Variants in TRABD2A observed in about 807,000 individuals in gnomAD.
The protein encoded by TRABD2A is TraB domain containing 2A.
TRABD2A carries 43 observed loss-of-function variants against 45.6 expected under a neutral mutation model. That is an observed-to-expected ratio of 0.94 (90% CI 0.74 to 1.22). TRABD2A has a LOEUF of 1.22. Among genes scored for constraint, TRABD2A ranks in the 50% most tolerant of loss-of-function variants. The pLI is 0.00. For missense variants in TRABD2A, 642 were observed against 652.4 expected (o/e 0.98, Z 0.17); for synonymous variants, 269 against 265.0 (o/e 1.02, Z -0.15).
intron 2 of TRABD2A, among the ~76,000 whole-genome samples, chr2:84,868,113 C>T (rs1682743329): frequency 6.6e-6 from 1 of 152,194 alleles, no homozygotes; most frequent in Non-Finnish European, 1.5e-5. Flanking sequence ...ATAAATCATG[C>T]TGCTATAAAG....
intron 2 of TRABD2A, among the ~76,000 whole-genome samples, chr2:84,850,352 C>T (rs959571267): frequency 2.6e-5 from 4 of 152,174 alleles, no homozygotes; most frequent in African/African-American, 7.2e-5. Context: ...TAGTATTCCT[C>T]ACCCTTCCTC....
intron 2 of TRABD2A, among the ~76,000 whole-genome samples, chr2:84,856,822 C>T (rs1267199278): frequency 6.6e-6 from 1 of 152,160 alleles, no homozygotes; most frequent in African/African-American, 2.4e-5. Flanking sequence ...CATCTTCTCC[C>T]GTTACACACT....
intron 6 of TRABD2A, among the ~76,000 whole-genome samples, chr2:84,823,352 CA>C (rs1681049967): frequency 6.6e-6 from 1 of 152,190 alleles, no homozygotes; most frequent in Non-Finnish European, 1.5e-5. Flanking sequence ...TGGCCCCACA[CA>C]CATAGCATCC....
At position 84,823,997 on chromosome 2, in the gene TRABD2A, C is replaced by A. The variant is rs371467892; in HGVS notation, c.1290G>T (p.Pro430=). The part of the protein sequence containing the change: ...RKKRRRSQRR[P]RLRQFSDLWV... ...ACAGATCGCTGAATTGCCGGAGTCG[C>A]GGCCTCCGCTGTGACCGCCTCCGCT... is the stretch of plus-strand genomic sequence containing the variant. Residue 430 remains proline (P), a synonymous_variant, in exon 6 of 7, where the codon CCG becomes CCT. Coordinates refer to ENST00000409520, the MANE Select transcript of TRABD2A (RefSeq NM_001277053.2). The A allele has an allele frequency of 3.7e-6, 6 of 1,613,806 alleles. No homozygotes were observed. In the African/African-American group the frequency reaches 8.0e-5, roughly 22 times the overall value.
chr2:84,832,107 G>A lies in TRABD2A; in HGVS notation c.1030C>T (p.Arg344Trp), dbSNP rs773439589. Residue 344 changes from arginine (R) to tryptophan (W), a missense_variant, in exon 5 of 7, where the codon CGG becomes TGG. Arg to Trp is a moderately radical substitution (Grantham distance 101, BLOSUM62 -3). Coordinates refer to ENST00000409520, the MANE Select transcript of TRABD2A (RefSeq NM_001277053.2). ...TGTTCTACCTCATAGCCTTCACGCC[G>A]CAAAACATCCAGCACTGTGTTGTTG... is the stretch of plus-strand genomic sequence containing the variant. ...MGNNTVLDVL[R>W]REGYEVEHAP... is the part of the protein sequence containing the mutation. 6.9e-5 allele frequency: 111 copies of A among 1,613,848 alleles called. No homozygotes were observed. Among genetic ancestry groups the A allele is most frequent in the Non-Finnish European group, 8.6e-5 (101 of 1,179,906 alleles).
chr2:84,876,655 T>C (rs986339984), intron 1 of TRABD2A, among the ~76,000 whole-genome samples: 2 of 152,188 alleles, frequency 1.3e-5, no homozygotes, highest in African/African-American at 4.8e-5. Context: ...TTAAACGCCA[T>C]ATTTATGCAG....
chr2:84,857,733 C>T (rs1230242569), intron 2 of TRABD2A, among the ~76,000 whole-genome samples: 2 of 152,178 alleles, frequency 1.3e-5, no homozygotes, highest in African/African-American at 4.8e-5. Context: ...CGATGTCTTC[C>T]TTCTGACGGC....
intron 2 of TRABD2A, among the ~76,000 whole-genome samples, chr2:84,842,736 A>G (rs1025218920): frequency 2.0e-5 from 3 of 151,736 alleles, no homozygotes; most frequent in African/African-American, 7.3e-5. Context: ...CAAAAAAAAA[A>G]AAAAGAAAAG....
intron 4 of TRABD2A, chr2:84,834,551 G>A (rs75303978): frequency 0.023 from 3,451 of 152,222 alleles, 61 homozygotes; most frequent in Middle Eastern, 0.042. Flanking sequence ...CATTTTCATC[G>A]TTTTGACCCC....
At chr2:84,828,469 C>G (rs1318789287) in intron 5 of TRABD2A, among the ~76,000 whole-genome samples, 1 of 152,202 alleles carries the variant, frequency 6.6e-6, no homozygotes, top group East Asian at 1.9e-4. Context: ...CTGCCCTGGT[C>G]CTCCTTGCCA....
chr2:84,863,179 A>G (rs181099272), intron 2 of TRABD2A, among the ~76,000 whole-genome samples: 92 of 152,302 alleles, frequency 6.0e-4, no homozygotes, highest in African/African-American at 2.2e-3. Context: ...AAATTATGTA[A>G]AAAAGCAAAA....
intron 1 of TRABD2A, among the ~76,000 whole-genome samples, chr2:84,874,485 T>C (rs548808186): frequency 5.9e-5 from 9 of 152,362 alleles, no homozygotes; most frequent in Admixed American, 6.5e-5. Flanking sequence ...AGTTCCCTGT[T>C]GGTGCCAATT....
intron 1 of TRABD2A, among the ~76,000 whole-genome samples, chr2:84,873,942 C>T (rs747747400): frequency 6.6e-6 from 1 of 152,124 alleles, no homozygotes; most frequent in Non-Finnish European, 1.5e-5. Flanking sequence ...ATTATTAAAC[C>T]CATGGACACC....
intron 6 of TRABD2A, among the ~76,000 whole-genome samples, chr2:84,822,931 T>C (rs1237671866): frequency 2.6e-5 from 4 of 152,214 alleles, no homozygotes; most frequent in Non-Finnish European, 5.9e-5. Context: ...TTACTTTATC[T>C]CAGCTTCTTT....
Position 84,830,726 on chromosome 2 carries a change from G to A in TRABD2A, c.1082+1329C>T, listed in dbSNP as rs530467502. Among the ~76,000 whole-genome samples, 1 of 152,284 alleles carries A rather than the reference G, an allele frequency of 6.6e-6. No homozygotes were observed. Among genetic ancestry groups the A allele is most frequent in the South Asian group, 2.1e-4 (1 of 4,824 alleles). On this transcript the variant is annotated intron_variant, in intron 5 of 6. Coordinates refer to ENST00000409520, the MANE Select transcript of TRABD2A (RefSeq NM_001277053.2). The surrounding 1 kb of genome is among the most constrained non-coding windows in gnomAD (Gnocchi z 4.9). ...TGAATACAGGGCATGAAGACAGGTG[G>A]GGATGAGAGAAGTCCAGGATGTATC...
chr2:84,830,466 G>A lies in TRABD2A; in HGVS notation c.1082+1589C>T, dbSNP rs147485068. 3.3e-5 allele frequency among the ~76,000 whole-genome samples: 5 copies of A among 152,290 alleles called. No individual in the cohort carries two copies. Among genetic ancestry groups the A allele is most frequent in the East Asian group, 3.9e-4 (2 of 5,190 alleles). On this transcript the variant is annotated intron_variant, in intron 5 of 6. Transcript: ENST00000409520. This position sits in a 1 kb window ranked among gnomAD's most constrained non-coding sequence, Gnocchi z 4.9. ...TTGAAAAAGAACAACATGAAACCAC[G>A]GAGGGTTTGAATATAGGACACTGGA... is the stretch of plus-strand genomic sequence containing the variant.
intron 1 of TRABD2A, among the ~76,000 whole-genome samples, chr2:84,878,599 T>C (rs1284942197): frequency 6.6e-6 from 1 of 151,062 alleles, no homozygotes; most frequent in African/African-American, 2.4e-5. Flanking sequence ...AGAAAGAGAC[T>C]CAACCTGCGT....
intron 2 of TRABD2A, among the ~76,000 whole-genome samples, chr2:84,859,949 T>TTG (rs1682437512): frequency 6.7e-6 from 1 of 149,820 alleles, no homozygotes; most frequent in African/African-American, 2.5e-5. Context: ...TTTGGAGAGA[T>TTG]GGGGGGGGGT....
intron 2 of TRABD2A, among the ~76,000 whole-genome samples, chr2:84,867,146 G>A (rs1180561137): frequency 1.4e-5 from 2 of 148,140 alleles, no homozygotes; most frequent in African/African-American, 2.6e-5. Context: ...ACATGGGGAA[G>A]TTACATGAAA....
Sources: allele counts gnomAD v4.1 joint callset (sites outside exome capture counted in the v4.1 genomes callset), GRCh38; gene constraint gnomAD v4.1.1; non-coding constraint Gnocchi (gnomAD v3.1); transcripts MANE v1.5; gene names NCBI Gene and HGNC (gene_info 2026-07-23, HGNC 2026-07-21).